The following KCNIP4 variants were observed in gnomAD, a reference collection of about 807,000 sequenced individuals.
KCNIP4 encodes the protein potassium voltage-gated channel interacting protein 4, also known as Kv channel-interacting protein 4.
A neutral mutation model predicts 34.0 loss-of-function variants in KCNIP4; 12 were observed. The observed-to-expected ratio is 0.35, with a 90% CI of 0.23 to 0.57. KCNIP4 has a LOEUF of 0.57. Among genes scored for constraint, KCNIP4 ranks in the 20% least tolerant of loss-of-function variants. KCNIP4 has a pLI of 0.83. For synonymous variants in KCNIP4, 124 were observed against 102.2 expected (o/e 1.21, Z -1.29); for missense variants, 238 against 311.7 (o/e 0.76, Z 1.78).
Position 20,839,362 on chromosome 4 carries a change from A to G in KCNIP4, c.288+11181T>C, listed in dbSNP as rs180959607. Among the ~76,000 whole-genome samples, 1,087 of 151,832 alleles carry G rather than the reference A, an allele frequency of 7.2e-3. 11 individuals carry two copies. Among genetic ancestry groups the G allele is most frequent in the African/African-American group, 0.025 (1,040 of 41,460 alleles). The stretch of plus-strand genomic sequence containing the variant: ...GATATACATAGTTTTCAAAAAGCAA[A>G]TATCTACCTATAGACATCTATCTCT... On this transcript the variant is annotated intron_variant, in intron 3 of 8. Coordinates refer to ENST00000382152, the MANE Select transcript of KCNIP4 (RefSeq NM_025221.6).
At chr4:21,051,724 A>G (rs1742949607) in intron 1 of KCNIP4, among the ~76,000 whole-genome samples, 1 of 152,200 alleles carries the variant, frequency 6.6e-6, no homozygotes, top group African/African-American at 2.4e-5. Context: ...CTTCTAAAAC[A>G]TTTGAGAGTG....
At chr4:21,572,112 T>C (rs1277937587) in intron 1 of KCNIP4, among the ~76,000 whole-genome samples, 2 of 152,188 alleles carry the variant, frequency 1.3e-5, no homozygotes, top group African/African-American at 2.4e-5. Context: ...TCCTGATTGC[T>C]GGGGATTCCA....
chr4:21,397,526 C>T (rs559806260), intron 1 of KCNIP4, among the ~76,000 whole-genome samples: 1 of 152,290 alleles, frequency 6.6e-6, no homozygotes, highest in Admixed American at 6.5e-5. Flanking sequence ...ACATTTTGTA[C>T]ATGTATCCTG....
intron 1 of KCNIP4, among the ~76,000 whole-genome samples, chr4:21,528,034 C>T (rs1269406061): frequency 1.3e-5 from 2 of 152,256 alleles, no homozygotes; most frequent in African/African-American, 2.4e-5. Flanking sequence ...CGGTCCTAAT[C>T]AGCACTTCAT....
At chr4:21,891,439 C>A (rs1038322743) in intron 1 of KCNIP4, among the ~76,000 whole-genome samples, 3 of 152,000 alleles carry the variant, frequency 2.0e-5, no homozygotes, top group African/African-American at 7.2e-5. Flanking sequence ...CTTCGGATCC[C>A]TAAGAAACGA....
chr4:21,124,880 C>T (rs1750477533), intron 1 of KCNIP4, among the ~76,000 whole-genome samples: 1 of 152,170 alleles, frequency 6.6e-6, no homozygotes, highest in East Asian at 1.9e-4. Flanking sequence ...CATTCAGCTA[C>T]ATCCTGAAAA....
At chr4:21,524,930 G>A (rs1560485587) in intron 1 of KCNIP4, among the ~76,000 whole-genome samples, 1 of 152,092 alleles carries the variant, frequency 6.6e-6, no homozygotes, top group Non-Finnish European at 1.5e-5. Flanking sequence ...TATGTGCAAA[G>A]AAGTCACTTT....
At chr4:21,647,294 A>G (rs895767151) in intron 1 of KCNIP4, among the ~76,000 whole-genome samples, 2 of 152,174 alleles carry the variant, frequency 1.3e-5, no homozygotes, top group Non-Finnish European at 2.9e-5. Flanking sequence ...CCAGAATTCT[A>G]CAGGGAAACT....
At chr4:21,273,873 A>T (rs1762295033) in intron 1 of KCNIP4, among the ~76,000 whole-genome samples, 1 of 152,166 alleles carries the variant, frequency 6.6e-6, no homozygotes, top group Non-Finnish European at 1.5e-5. Context: ...GTATGTACAT[A>T]TGGAAGGTGT....
chr4:20,760,298 T>TCC (rs1327264103), intron 3 of KCNIP4, among the ~76,000 whole-genome samples: 1 of 152,134 alleles, frequency 6.6e-6, no homozygotes, highest in African/African-American at 2.4e-5. Context: ...GTGTGCTAAC[T>TCC]CCCCAACAGA....
chr4:21,422,620 C>T (rs773019121), intron 1 of KCNIP4, among the ~76,000 whole-genome samples: 1 of 151,384 alleles, frequency 6.6e-6, no homozygotes, highest in Non-Finnish European at 1.5e-5. Flanking sequence ...ATGGTCACAA[C>T]ATTGAAGTAG....
At chr4:20,959,380 T>C (rs1051013677) in intron 1 of KCNIP4, among the ~76,000 whole-genome samples, 1 of 152,176 alleles carries the variant, frequency 6.6e-6, no homozygotes, top group African/African-American at 2.4e-5. Context: ...AAGGCTTGGC[T>C]CCAAAATGCT....
intron 1 of KCNIP4, among the ~76,000 whole-genome samples, chr4:21,098,852 C>T (rs552653885): frequency 6.6e-6 from 1 of 152,002 alleles, no homozygotes; most frequent in Non-Finnish European, 1.5e-5. Context: ...ATGTGGCCAA[C>T]AAACATATGA....
intron 2 of KCNIP4, among the ~76,000 whole-genome samples, chr4:20,852,143 T>G (rs1234752425): frequency 6.8e-6 from 1 of 146,676 alleles, no homozygotes; most frequent in Non-Finnish European, 1.5e-5. Context: ...AGCATCACCC[T>G]AATAACAAAA....
At chr4:21,890,816 T>C (rs1370708400) in intron 1 of KCNIP4, among the ~76,000 whole-genome samples, 2 of 152,066 alleles carry the variant, frequency 1.3e-5, no homozygotes, top group Non-Finnish European at 2.9e-5. Flanking sequence ...TGGATTTCAA[T>C]AGTGATGGTA....
intron 1 of KCNIP4, among the ~76,000 whole-genome samples, chr4:21,266,721 A>G (rs1761834463): frequency 1.3e-5 from 2 of 152,248 alleles, no homozygotes; most frequent in African/African-American, 4.8e-5. Context: ...GTACTTCAGC[A>G]TAGCTGGAAA....
chr4:20,837,580 G>A (rs1057004958), intron 3 of KCNIP4, among the ~76,000 whole-genome samples: 1 of 150,488 alleles, frequency 6.6e-6, no homozygotes, highest in Non-Finnish European at 1.5e-5. Context: ...CCTCTTTAAC[G>A]AATATGTACT....
At chr4:21,601,912 G>T (rs1049381623) in intron 1 of KCNIP4, among the ~76,000 whole-genome samples, 7 of 152,048 alleles carry the variant, frequency 4.6e-5, no homozygotes, top group African/African-American at 1.7e-4. Flanking sequence ...AACGCTAAGT[G>T]TCCTCCCCAT....
intron 1 of KCNIP4, among the ~76,000 whole-genome samples, chr4:21,859,440 C>T (rs1422221044): frequency 1.6e-5 from 2 of 124,718 alleles, no homozygotes; most frequent in Non-Finnish European, 1.6e-5. Context: ...AACCCCGTCT[C>T]TACTAAAAAT....
Sources: gnomAD v4.1 joint callset for allele counts (sites outside exome capture counted in the v4.1 genomes callset) on GRCh38, gnomAD v4.1.1 for gene constraint, MANE v1.5 for transcripts, NCBI Gene and HGNC (gene_info 2026-07-23, HGNC 2026-07-21) for gene names.